Variants in EHMT1 observed in about 807,000 individuals in gnomAD.
EHMT1 encodes euchromatic histone lysine methyltransferase 1, also known as histone-lysine N-methyltransferase EHMT1.
EHMT1 carries 15 observed loss-of-function variants against 147.2 expected under a neutral mutation model. The ratio of observed to expected loss-of-function variants is 0.10; its 90% CI spans 0.07 to 0.16. EHMT1 has a LOEUF of 0.16. EHMT1 is among the 10% of genes least tolerant of loss of function. EHMT1 has a pLI of 1.00. For missense variants in EHMT1, 1,587 were observed against 1,772.4 expected, an observed-to-expected ratio of 0.90 and a Z score of 1.88; for synonymous variants, 795 against 709.6, an observed-to-expected ratio of 1.12 and a Z score of -1.91.
intron 1 of EHMT1, among the ~76,000 whole-genome samples, chr9:137,627,075 C>T (rs775019900): frequency 2.6e-5 from 4 of 152,022 alleles, no homozygotes; most frequent in Non-Finnish European, 5.9e-5. Context: ...CTCCTGCCTT[C>T]GCACCCCCTA....
chr9:137,713,201 A>T (rs527877205), intron 2 of EHMT1, among the ~76,000 whole-genome samples: 1 of 151,410 alleles, frequency 6.6e-6, no homozygotes, highest in Non-Finnish European at 1.5e-5. Context: ...GGCTCAGGCA[A>T]TCCTACCACC....
chr9:137,734,589 T>C (rs570488570), intron 4 of EHMT1, among the ~76,000 whole-genome samples: 2 of 152,070 alleles, frequency 1.3e-5, no homozygotes, highest in Non-Finnish European at 2.9e-5. Context: ...CCCATGAGTA[T>C]AAACACCCAG....
rs879810922 is a variant in EHMT1 at position 137,811,757 on chromosome 9, G to C, written c.2867+142G>C. 2.5e-5 allele frequency: 29 copies of C among 1,139,928 alleles called. 1 individual carries two copies. The highest frequency in any genetic ancestry group is 5.0e-4 in the Middle Eastern group (2 of 3,976). 70.6% of individuals were successfully genotyped at this position (1,139,928 alleles called of 1,614,324 possible). ...TCCTTCGTGTGGAAGTCCATCCTTGGTGTTCCACACGCAGAGAAGTGTCTT... is the reference window on the plus strand; with the variant it reads ...TCCTTCGTGTGGAAGTCCATCCTTGCTGTTCCACACGCAGAGAAGTGTCTT... On this transcript the variant is annotated intron_variant, in intron 19 of 26. Coordinates refer to ENST00000460843, the MANE Select transcript of EHMT1 (RefSeq NM_024757.5).
At position 137,743,927 on chromosome 9, in the gene EHMT1, G is replaced by C. The variant is rs750124794; in HGVS notation, c.1007G>C (p.Ser336Thr). The change falls in exon 6 of 27, where the codon AGC becomes ACC. Residue 336 changes from serine to threonine, a missense_variant. Transcript: ENST00000460843. ...SKGEKDLGAS[S>T]LHVNGESLEM... The stretch of plus-strand genomic sequence containing the variant: ...GGGGAGAAGGACCTGGGCGCCAGCA[G>C]CCTGCACGTGAATGGGGAGAGCCTG... 6.2e-7 allele frequency: 1 copy of C among 1,613,362 alleles called. No individual in the cohort carries two copies. Among genetic ancestry groups the C allele is most frequent in the South Asian group, 1.1e-5 (1 of 91,056 alleles).
intron 13 of EHMT1, among the ~76,000 whole-genome samples, chr9:137,778,484 C>A (rs955954494): frequency 6.6e-6 from 1 of 152,230 alleles, no homozygotes; most frequent in Non-Finnish European, 1.5e-5. Context: ...TCCTCGTCCT[C>A]CTCTCAGCAT....
intron 14 of EHMT1, among the ~76,000 whole-genome samples, chr9:137,780,747 T>C (rs1951381445): frequency 9.6e-6 from 1 of 104,452 alleles, no homozygotes; most frequent in Non-Finnish European, 1.8e-5. Context: ...CACTGGGATG[T>C]GTGGTGATGA....
At chr9:137,788,216 G>A in intron 15 of EHMT1, 2 of 547,662 alleles carry the variant, frequency 3.7e-6, no homozygotes, top group East Asian at 3.0e-5. Context: ...ACCAGCCCTG[G>A]CCAGGATGCT....
chr9:137,692,602 T>C (rs946378920), intron 1 of EHMT1, among the ~76,000 whole-genome samples: 8 of 152,068 alleles, frequency 5.3e-5, no homozygotes, highest in African/African-American at 1.9e-4. Context: ...TTCTTTTTAC[T>C]TAGAAAGGAG....
At chr9:137,826,912 C>G (rs1404417273) in intron 25 of EHMT1, among the ~76,000 whole-genome samples, 1 of 152,228 alleles carries the variant, frequency 6.6e-6, no homozygotes, top group Non-Finnish European at 1.5e-5. Context: ...CTGCAACTTA[C>G]CAGGCTGCTT....
At chr9:137,649,458 TCAAACAAA>T (rs113684662) in intron 1 of EHMT1, among the ~76,000 whole-genome samples, 2,560 of 150,078 alleles carry the variant, frequency 0.017, 67 homozygotes, top group African/African-American at 0.054. Context: ...AGACTCCGAC[TCAAACAAA>T]CAAACAAACA....
At chr9:137,832,916 C>T (rs1282933053) in intron 25 of EHMT1, 2 of 152,252 alleles carry the variant, frequency 1.3e-5, no homozygotes, top group African/African-American at 4.8e-5. Context: ...CCATCAGACC[C>T]CGAAGCAGAG....
intron 22 of EHMT1, chr9:137,815,522 C>T (rs1954851022): frequency 1.0e-5 from 3 of 291,658 alleles, no homozygotes; most frequent in Admixed American, 4.6e-5. Flanking sequence ...GAAAGGGGAG[C>T]AGAGGGCTGG....
intron 18 of EHMT1, among the ~76,000 whole-genome samples, chr9:137,801,497 T>C (rs1306838340): frequency 6.6e-6 from 1 of 151,454 alleles, no homozygotes; most frequent in Non-Finnish European, 1.5e-5. Context: ...AATTTTTGTA[T>C]TTTTTATTTG....
rs1250323380 is a variant in EHMT1, at chr9:137,815,895, A to C, written c.3259-52A>C. The C allele has an allele frequency of 3.5e-6, 5 of 1,442,350 alleles. No homozygotes were observed. The Admixed American group carries it at 9.7e-5, about 28-fold the overall frequency. The allele number at this position is 1,442,350 out of a possible 1,614,324, so 89.3% of individuals were successfully genotyped here. On this transcript the variant is annotated intron_variant, in intron 22 of 26. Coordinates refer to ENST00000460843, the MANE Select transcript of EHMT1 (RefSeq NM_024757.5). Reference sequence around the variant, plus strand: ...AGTAGAAATGGGTTGATGTCAGTTCAATTAAAGAGTGAGTAACCTCTGCTG... The same window carrying C: ...AGTAGAAATGGGTTGATGTCAGTTCCATTAAAGAGTGAGTAACCTCTGCTG...
At chr9:137,773,563 G>T (rs559153090) in intron 10 of EHMT1, among the ~76,000 whole-genome samples, 117 of 152,324 alleles carry the variant, frequency 7.7e-4, no homozygotes, top group African/African-American at 2.6e-3. Context: ...CTACTTTTCT[G>T]TTATTGCAAA....
intron 1 of EHMT1, among the ~76,000 whole-genome samples, chr9:137,689,219 G>C (rs1412005846): frequency 1.3e-5 from 2 of 152,166 alleles, no homozygotes; most frequent in Non-Finnish European, 2.9e-5. Context: ...TAAAGCTACA[G>C]TTTTCTTTGG....
At chr9:137,708,365 C>T (rs757505018) in intron 1 of EHMT1, among the ~76,000 whole-genome samples, 3 of 152,174 alleles carry the variant, frequency 2.0e-5, no homozygotes, top group Non-Finnish European at 2.9e-5. Flanking sequence ...TGATATGACA[C>T]GAAAACTCAA....
chr9:137,660,179 A>G (rs576004128), intron 1 of EHMT1, among the ~76,000 whole-genome samples: 1 of 152,056 alleles, frequency 6.6e-6, no homozygotes, highest in East Asian at 1.9e-4. Flanking sequence ...TACAAAAAAT[A>G]CAAATATTAG....
At chr9:137,724,970 A>AGG (rs1366863648) in intron 3 of EHMT1, among the ~76,000 whole-genome samples, 14 of 147,544 alleles carry the variant, frequency 9.5e-5, no homozygotes, top group African/African-American at 3.0e-4. Context: ...TTCATGGGGC[A>AGG]TTCGTGTGGC....
Sources: allele counts gnomAD v4.1 joint callset (sites outside exome capture counted in the v4.1 genomes callset), GRCh38; gene constraint gnomAD v4.1.1; transcripts MANE v1.5; gene names NCBI Gene and HGNC (gene_info 2026-07-23, HGNC 2026-07-21).